The following SPATS2L variants were observed in gnomAD, a reference collection of about 807,000 sequenced individuals.
The protein encoded by SPATS2L is spermatogenesis associated serine rich 2 like.
Under a neutral mutation model 59.6 loss-of-function variants are expected in SPATS2L, and 30 were observed. The ratio of observed to expected loss-of-function variants is 0.50; its 90% CI spans 0.38 to 0.68. The LOEUF is 0.68. SPATS2L is among the 30% of genes least tolerant of loss of function. SPATS2L has a pLI of 0.00. For synonymous variants in SPATS2L, 252 were observed against 263.5 expected (o/e 0.96, Z 0.42); for missense variants, 615 against 700.0 (o/e 0.88, Z 1.37).
chr2:200,476,701 A>C (rs1023767183), intron 12 of SPATS2L, among the ~76,000 whole-genome samples: 2 of 152,234 alleles, frequency 1.3e-5, no homozygotes, highest in African/African-American at 4.8e-5. Context: ...CATGCGTTAC[A>C]ATGCTCTTTT....
intron 1 of SPATS2L, among the ~76,000 whole-genome samples, chr2:200,312,495 A>C (rs2079225835): frequency 1.3e-5 from 2 of 152,208 alleles, no homozygotes; most frequent in South Asian, 4.1e-4. Flanking sequence ...CCCATTATGG[A>C]TTGTGCTATT....
At chr2:200,327,655 T>C (rs2079798282) in intron 1 of SPATS2L, among the ~76,000 whole-genome samples, 1 of 152,244 alleles carries the variant, frequency 6.6e-6, no homozygotes, top group African/African-American at 2.4e-5. Context: ...ATAAAGAAAA[T>C]TAGAAAATTG....
intron 2 of SPATS2L, among the ~76,000 whole-genome samples, chr2:200,376,668 C>G (rs1052734201): frequency 6.6e-6 from 1 of 152,244 alleles, no homozygotes; most frequent in Admixed American, 6.5e-5. Flanking sequence ...GGTTTCCGAT[C>G]CATTCTATGC....
At chr2:200,358,983 C>A (rs1280696522) in intron 2 of SPATS2L, among the ~76,000 whole-genome samples, 1 of 40,864 alleles carries the variant, frequency 2.4e-5, no homozygotes, top group Admixed American at 3.5e-4. Flanking sequence ...CAGAGTGAGA[C>A]CCTGACTCTT....
chr2:200,397,411 G>C (rs1384586875), intron 3 of SPATS2L, among the ~76,000 whole-genome samples: 1 of 152,138 alleles, frequency 6.6e-6, no homozygotes, highest in Non-Finnish European at 1.5e-5. Context: ...TTGGAAGGCT[G>C]TAACAATGGT....
intron 3 of SPATS2L, among the ~76,000 whole-genome samples, chr2:200,401,407 C>A (rs2082524437): frequency 6.6e-6 from 1 of 152,170 alleles, no homozygotes; most frequent in Admixed American, 6.5e-5. Flanking sequence ...TGGATACCCT[C>A]TTACAGAGAG....
intron 1 of SPATS2L, among the ~76,000 whole-genome samples, chr2:200,308,328 T>G (rs2079093378): frequency 6.6e-6 from 1 of 152,024 alleles, no homozygotes; most frequent in Non-Finnish European, 1.5e-5. Flanking sequence ...CTTATGAAAT[T>G]GTGTTGCTTA....
intron 2 of SPATS2L, among the ~76,000 whole-genome samples, chr2:200,333,270 G>C (rs1387372794): frequency 6.7e-6 from 1 of 150,320 alleles, no homozygotes. Flanking sequence ...TGGGTGACAG[G>C]ACAAGACCCT....
At chr2:200,380,455 TGAA>T (rs2081767500) in intron 2 of SPATS2L, among the ~76,000 whole-genome samples, 2 of 152,226 alleles carry the variant, frequency 1.3e-5, no homozygotes, top group African/African-American at 4.8e-5. Flanking sequence ...GGTTCTCCCA[TGAA>T]GGTCTCAAAC....
At chr2:200,345,811 C>T (rs1056600099) in intron 2 of SPATS2L, among the ~76,000 whole-genome samples, 17 of 152,154 alleles carry the variant, frequency 1.1e-4, no homozygotes, top group African/African-American at 4.1e-4. Context: ...TTGTTGATTA[C>T]TCTAGTTTTT....
At chr2:200,466,023 C>G (rs945077310) in intron 9 of SPATS2L, among the ~76,000 whole-genome samples, 3 of 152,222 alleles carry the variant, frequency 2.0e-5, no homozygotes, top group African/African-American at 7.2e-5. Context: ...AAGAGCGAGA[C>G]TCTGTCTCAA....
Position 200,427,252 on chromosome 2 carries a change from ACT to A in SPATS2L, c.445+7759_445+7760del, listed in dbSNP as rs537160984. ...TCTATTAAAATGCAATAAGATGGAAACTCTGTTTCCTCTGATGTGATTATTAT... is the reference window on the plus strand; with the variant it reads ...TCTATTAAAATGCAATAAGATGGAAACTGTTTCCTCTGATGTGATTATTAT... On this transcript the variant is annotated intron_variant, in intron 6 of 12. Transcript: ENST00000409140. Among the ~76,000 whole-genome samples, 362 of 151,890 alleles carry A rather than the reference ACT, an allele frequency of 2.4e-3. 1 individual carries two copies. The highest frequency in any genetic ancestry group is 8.5e-3 in the African/African-American group (353 of 41,430).
At chr2:200,312,836 G>A (rs2079237630) in intron 1 of SPATS2L, among the ~76,000 whole-genome samples, 2 of 152,188 alleles carry the variant, frequency 1.3e-5, no homozygotes, top group Admixed American at 6.5e-5. Context: ...TCACCTTAGG[G>A]ATCAAGATGC....
chr2:200,450,170 C>G (rs747261518), intron 8 of SPATS2L, among the ~76,000 whole-genome samples: 7 of 152,144 alleles, frequency 4.6e-5, no homozygotes, highest in Non-Finnish European at 8.8e-5. Context: ...TTATCACTTT[C>G]TAGGGGTTTT....
At chr2:200,309,198 C>T in intron 1 of SPATS2L, 1 of 713,470 alleles carries the variant, frequency 1.4e-6, no homozygotes, top group Non-Finnish European at 2.6e-6. Flanking sequence ...TTATCAATCA[C>T]AGTGAATGTT....
At chr2:200,338,954 G>T (rs2080232810) in intron 2 of SPATS2L, among the ~76,000 whole-genome samples, 2 of 152,226 alleles carry the variant, frequency 1.3e-5, no homozygotes, top group Admixed American at 1.3e-4. Flanking sequence ...ATGCCCTGCT[G>T]ACTGTGGGTC....
intron 2 of SPATS2L, among the ~76,000 whole-genome samples, chr2:200,355,031 GACTTACAAGA>G (rs998677729): frequency 6.6e-6 from 1 of 151,892 alleles, no homozygotes; most frequent in Admixed American, 6.6e-5. Flanking sequence ...TACAATCCCT[GACTTACAAGA>G]ACTTGACAAA....
At chr2:200,373,011 A>G (rs2081478521) in intron 2 of SPATS2L, among the ~76,000 whole-genome samples, 1 of 152,228 alleles carries the variant, frequency 6.6e-6, no homozygotes, top group African/African-American at 2.4e-5. Context: ...TGGTCAGTAA[A>G]TGATAGCTAT....
At chr2:200,474,056 T>C (rs1263144991) in intron 12 of SPATS2L, among the ~76,000 whole-genome samples, 1 of 150,864 alleles carries the variant, frequency 6.6e-6, no homozygotes, top group African/African-American at 2.4e-5. Context: ...GGGCATGCTA[T>C]AAAGATACCT....
Sources: allele counts gnomAD v4.1 joint callset (sites outside exome capture counted in the v4.1 genomes callset), GRCh38; gene constraint gnomAD v4.1.1; transcripts MANE v1.5; gene names NCBI Gene and HGNC (gene_info 2026-07-23, HGNC 2026-07-21).